Variants in UBXN7 observed in about 807,000 individuals in gnomAD.
The protein encoded by UBXN7 is UBX domain protein 7.
A neutral mutation model predicts 58.0 loss-of-function variants in UBXN7; 9 were observed. The observed-to-expected ratio is 0.16, with a 90% confidence interval of 0.09 to 0.27. The LOEUF is 0.27. Ranked by LOEUF, UBXN7 falls within the 10% of genes least tolerant of loss-of-function variation. The pLI, the probability that UBXN7 is intolerant of heterozygous loss-of-function variation, is 1.00. For synonymous variants in UBXN7, 208 were observed against 205.0 expected (o/e 1.01, Z -0.12); for missense variants, 328 against 599.6 (o/e 0.55, Z 4.73).
intron 1 of UBXN7, among the ~76,000 whole-genome samples, chr3:196,411,369 T>C (rs777873413): frequency 2.6e-5 from 4 of 152,262 alleles, no homozygotes; most frequent in Non-Finnish European, 4.4e-5. Flanking sequence ...TTTATAACAA[T>C]TTAATTTTGC....
chr3:196,421,116 C>T (rs1021236691), intron 1 of UBXN7, among the ~76,000 whole-genome samples: 4 of 152,116 alleles, frequency 2.6e-5, no homozygotes, highest in Admixed American at 2.6e-4. Flanking sequence ...TTTCAAATAT[C>T]GAAAACATTT....
Position 196,375,771 on chromosome 3 carries a change from G to A in UBXN7, c.469-3729C>T, listed in dbSNP as rs28731261. 9.9e-5 allele frequency among the ~76,000 whole-genome samples: 15 copies of A among 152,230 alleles called. 1 individual carries two copies. Among genetic ancestry groups the A allele is most frequent in the Non-Finnish European group, 1.8e-4 (12 of 68,042 alleles). ...AGGCCTGGCATGGTGGCTCATGCCT[G>A]TAATCCCAGCACTTTGGGAGGCCGA... On this transcript the variant is annotated intron_variant, in intron 5 of 10. Coordinates refer to ENST00000296328, the MANE Select transcript of UBXN7 (RefSeq NM_015562.2).
chr3:196,432,162 G>A, intron 1 of UBXN7, 165 bp downstream of exon 1: 1 of 938,206 alleles, frequency 1.1e-6, no homozygotes, highest in Non-Finnish European at 1.7e-6. Flanking sequence ...TCTCCCGCCT[G>A]AACCCGGAGA....
In UBXN7 at chr3:196,355,831, A is replaced by C. The variant is rs535407871; in HGVS notation, c.*854T>G. ...CTACAGATCACTGCAGACTCAGACA[A>C]TGGAGGGCTCCAAAGGAACTAATAT... On this transcript the variant is annotated 3_prime_UTR_variant, in exon 11 of 11. Transcript: ENST00000296328. 5.9e-5 allele frequency: 9 copies of C among 152,340 alleles called. No homozygotes were observed. The highest frequency in any genetic ancestry group is 2.2e-4 in the African/African-American group (9 of 41,568). The allele number at this position is 152,340 out of a possible 1,614,324, so 9.4% of individuals were successfully genotyped here. A position where few individuals can be genotyped will look rare whatever the true frequency, so the allele number is the denominator to read the frequency against.
chr3:196,362,756 A>G, intron 8 of UBXN7, 69 bp from the exon 9 acceptor site: 2 of 1,511,322 alleles, frequency 1.3e-6, no homozygotes, highest in Non-Finnish European at 1.8e-6. Flanking sequence ...AAACGGCATA[A>G]GAAATATAAT....
intron 9 of UBXN7, 69 bp downstream of exon 9, chr3:196,362,225 C>A (rs1728524894): frequency 2.8e-5 from 43 of 1,518,128 alleles, no homozygotes; most frequent in Middle Eastern, 1.8e-4. Flanking sequence ...GAACTCCTAA[C>A]CTCAGTGATC....
chr3:196,425,896 T>C (rs1428326007), intron 1 of UBXN7, among the ~76,000 whole-genome samples: 2 of 152,176 alleles, frequency 1.3e-5, no homozygotes, highest in Non-Finnish European at 2.9e-5. Flanking sequence ...CTCCTTACCA[T>C]TCTCTCACTG....
intron 3 of UBXN7, among the ~76,000 whole-genome samples, chr3:196,395,858 C>T (rs139874832): frequency 6.6e-6 from 1 of 152,204 alleles, no homozygotes; most frequent in African/African-American, 2.4e-5. Flanking sequence ...CTCCGCCTCC[C>T]AGGTTCAAGG....
In UBXN7 at chr3:196,347,743, T is replaced by C. The variant is rs771246739; in HGVS notation, c.*8942A>G. Reference sequence around the variant, plus strand: ...ATGTATTTATAAAAAAATGCAGCAGTTGAATGTATAGATCAGAGGTTTCCT... The same window carrying C: ...ATGTATTTATAAAAAAATGCAGCAGCTGAATGTATAGATCAGAGGTTTCCT... On this transcript the variant is annotated 3_prime_UTR_variant, in exon 11 of 11. Coordinates refer to ENST00000296328, the MANE Select transcript of UBXN7 (RefSeq NM_015562.2). 6.6e-6 allele frequency: 1 copy of C among 152,146 alleles called. No individual in the cohort carries two copies. Among genetic ancestry groups the C allele is most frequent in the African/African-American group, 2.4e-5 (1 of 41,408 alleles). 9.4% of individuals were successfully genotyped at this position (152,146 alleles called of 1,614,324 possible).
intron 1 of UBXN7, among the ~76,000 whole-genome samples, chr3:196,429,687 T>A (rs1369435984): frequency 1.3e-5 from 2 of 152,188 alleles, no homozygotes; most frequent in Non-Finnish European, 1.5e-5. Context: ...CCCAAAAAAA[T>A]TTTAAGACAT....
In UBXN7 at chr3:196,362,792, G is replaced by A. The variant is rs1356742972; in HGVS notation, c.835-105C>T. The A allele has an allele frequency of 1.2e-5, 16 of 1,381,248 alleles. No individual in the cohort carries two copies. In the East Asian group the frequency reaches 3.2e-4, roughly 28 times the overall value. 85.6% of individuals were successfully genotyped at this position (1,381,248 alleles called of 1,614,324 possible). ...AGCTTGCCATTCATTATTATGTTCT[G>A]CTGACTGTATCCCTTCTACTTTAAG... On this transcript the variant is annotated intron_variant, in intron 8 of 10. Coordinates refer to ENST00000296328, the MANE Select transcript of UBXN7 (RefSeq NM_015562.2).
intron 1 of UBXN7, among the ~76,000 whole-genome samples, chr3:196,409,963 G>C (rs969858990): frequency 6.8e-6 from 1 of 147,582 alleles, no homozygotes; most frequent in African/African-American, 2.5e-5. Flanking sequence ...TTTTTGAGAC[G>C]GAGTTTCACT....
chr3:196,395,807 C>T lies in UBXN7; in HGVS notation c.290-2188G>A, dbSNP rs886854447. ...TTGCGACAGAGTCTCACTCTGTTGCCCAGGCTGGAGTGCAGTGGCATGATC... is the reference window on the plus strand; with the variant it reads ...TTGCGACAGAGTCTCACTCTGTTGCTCAGGCTGGAGTGCAGTGGCATGATC... On this transcript the variant is annotated intron_variant, in intron 3 of 10. Transcript: ENST00000296328. Among the ~76,000 whole-genome samples the T allele has an allele frequency of 1.2e-4, 19 of 152,086 alleles. 1 individual carries two copies. The highest frequency in any genetic ancestry group is 4.6e-4 in the African/African-American group (19 of 41,452).
In UBXN7 at chr3:196,349,656, G is replaced by T; in HGVS notation, c.*7029C>A. 1 of 152,138 alleles carries T rather than the reference G, an allele frequency of 6.6e-6. No homozygotes were observed. The highest frequency in any genetic ancestry group is 1.9e-4 in the East Asian group (1 of 5,192). The allele number at this position is 152,138 out of a possible 1,614,324, so 9.4% of individuals were successfully genotyped here. A position where few individuals can be genotyped will look rare whatever the true frequency, so the allele number is the denominator to read the frequency against. On this transcript the variant is annotated 3_prime_UTR_variant, in exon 11 of 11. Coordinates refer to ENST00000296328, the MANE Select transcript of UBXN7 (RefSeq NM_015562.2). The stretch of plus-strand genomic sequence containing the variant: ...ATAGAGAGAAAAAAGGAGAATGGCA[G>T]GGAACGGTTCCAGATCAAGAATCTC...
intron 5 of UBXN7, among the ~76,000 whole-genome samples, chr3:196,377,735 C>A (rs1324207031): frequency 6.6e-6 from 1 of 152,122 alleles, no homozygotes; most frequent in Non-Finnish European, 1.5e-5. Flanking sequence ...GGCACCACCA[C>A]AGCTCACTGC....
chr3:196,423,822 T>C (rs534975683), intron 1 of UBXN7, among the ~76,000 whole-genome samples: 2 of 152,188 alleles, frequency 1.3e-5, no homozygotes, highest in African/African-American at 4.8e-5. Context: ...ATCTTGAAGC[T>C]AATTGTGTTA....
At chr3:196,385,914 A>G (rs1479244808) in intron 5 of UBXN7, among the ~76,000 whole-genome samples, 3 of 152,142 alleles carry the variant, frequency 2.0e-5, no homozygotes, top group African/African-American at 7.2e-5. Context: ...CATGATGACG[A>G]TGGTGGTTTT....
intron 9 of UBXN7, 105 bp downstream of exon 9, chr3:196,362,189 T>C: frequency 7.1e-7 from 1 of 1,412,598 alleles, no homozygotes; most frequent in Non-Finnish European, 9.6e-7. Flanking sequence ...AGACAGGGTT[T>C]TGCCATGTTG....
At chr3:196,357,324 T>C (rs1457568074) in intron 10 of UBXN7, among the ~76,000 whole-genome samples, 1 of 152,150 alleles carries the variant, frequency 6.6e-6, no homozygotes, top group African/African-American at 2.4e-5. Flanking sequence ...CCCATCAAAC[T>C]TCAACACTGC....
Sources: allele counts gnomAD v4.1 joint callset (sites outside exome capture counted in the v4.1 genomes callset), GRCh38; gene constraint gnomAD v4.1.1; transcripts MANE v1.5; gene names NCBI Gene and HGNC (gene_info 2026-07-23, HGNC 2026-07-21).